Variants in CHST13 observed in about 807,000 individuals in gnomAD.
CHST13 encodes the protein C4ST-3.
A neutral mutation model predicts 7.0 loss-of-function variants in CHST13; 1 was observed. The ratio of observed to expected loss-of-function variants is 0.14; its 90% CI spans 0.05 to 0.68. The LOEUF is 0.68. CHST13 is among the 30% of genes least tolerant of loss of function. The pLI is 0.82. For missense variants in CHST13, 572 were observed against 507.9 expected (o/e 1.13, Z -1.21); for synonymous variants, 257 against 240.9 (o/e 1.07, Z -0.62).
At chr3:126,536,154 G>A (rs778721103) in intron 1 of CHST13, 117 bp from the exon 2 acceptor site, 48 of 779,384 alleles carry the variant, frequency 6.2e-5, no homozygotes, top group Middle Eastern at 2.3e-4. Flanking sequence ...GGCAAGATCC[G>A]GGAAGGAAAT....
At position 126,536,447 on chromosome 3, in the gene CHST13, C is replaced by A. The variant is rs1936793126; in HGVS notation, c.180+94C>A. ...GCAGACCTGCTGGCATGAGACTGGACCCCACACTGGGGCACAGAAGGGCAT... is the reference window on the plus strand; with the variant it reads ...GCAGACCTGCTGGCATGAGACTGGAACCCACACTGGGGCACAGAAGGGCAT... On this transcript the variant is annotated intron_variant, in intron 2 of 2. Coordinates refer to ENST00000319340, the MANE Select transcript of CHST13 (RefSeq NM_152889.3). The A allele has an allele frequency of 1.9e-5, 18 of 944,490 alleles. No homozygotes were observed. In the South Asian group the frequency reaches 2.7e-4, roughly 14 times the overall value. 58.5% of individuals were successfully genotyped at this position (944,490 alleles called of 1,614,324 possible).
chr3:126,535,063 G>C (rs79582082), intron 1 of CHST13, among the ~76,000 whole-genome samples: 2,148 of 83,952 alleles, frequency 0.026, 78 homozygotes, highest in Middle Eastern at 0.047. Flanking sequence ...CCGGGAGACA[G>C]ACAGACAGCA....
chr3:126,529,171 G>T, intron 1 of CHST13: 1 of 574,926 alleles, frequency 1.7e-6, no homozygotes, highest in Non-Finnish European at 2.9e-6. Flanking sequence ...TGAGGTGGGT[G>T]TGCAGAGGAG....
intron 1 of CHST13, among the ~76,000 whole-genome samples, chr3:126,528,397 T>C (rs780258189): frequency 1.3e-5 from 2 of 152,086 alleles, no homozygotes; most frequent in African/African-American, 2.4e-5. Flanking sequence ...ACTCAAAAGA[T>C]TTCAGCAATA....
chr3:126,541,771 G>C lies in CHST13; in HGVS notation c.219G>C (p.Arg73=). The C allele has an allele frequency of 6.6e-7, 1 of 1,521,356 alleles. No individual in the cohort carries two copies. Among genetic ancestry groups the C allele is most frequent in the South Asian group, 1.2e-5 (1 of 81,024 alleles). The allele number at this position is 1,521,356 out of a possible 1,614,324, so 94.2% of individuals were successfully genotyped here. ...RSTLAKVHRQ[R]RDLLNSACSR... is the part of the protein sequence containing the mutation. ...CCCTGGCGAAGGTGCACCGGCAGCG[G>C]CGCGACCTGCTGAACAGCGCCTGTA... Residue 73 remains arginine (R), a synonymous_variant, in exon 3 of 3, where the codon CGG becomes CGC. Transcript: ENST00000319340.
intron 2 of CHST13, among the ~76,000 whole-genome samples, chr3:126,539,197 G>C (rs1436967006): frequency 6.6e-5 from 10 of 152,172 alleles, no homozygotes; most frequent in Non-Finnish European, 1.5e-5. Context: ...CACCTGGGAT[G>C]ACTGCGAAGC....
rs774980258 is a variant in CHST13, at chr3:126,542,584, C to T, written c.*6C>T. The T allele has an allele frequency of 6.8e-7, 1 of 1,468,020 alleles. No homozygotes were observed. Among genetic ancestry groups the T allele is most frequent in the East Asian group, 2.7e-5 (1 of 37,344 alleles). The allele number at this position is 1,468,020 out of a possible 1,614,324, so 90.9% of individuals were successfully genotyped here. On this transcript the variant is annotated 3_prime_UTR_variant, in exon 3 of 3. Coordinates refer to ENST00000319340, the MANE Select transcript of CHST13 (RefSeq NM_152889.3). ...CCTACCTGCGGCTGCTCTAGCGGTC[C>T]TGGAGGTCCTGTGGCCACGCGGGGC...
chr3:126,534,718 C>T (rs1936728898), intron 1 of CHST13, among the ~76,000 whole-genome samples: 1 of 139,468 alleles, frequency 7.2e-6, no homozygotes, highest in African/African-American at 2.7e-5. Flanking sequence ...AGCCGGGAGA[C>T]AGACAGACAG....
Position 126,542,694 on chromosome 3 carries a change from C to T in CHST13, c.*116C>T. On this transcript the variant is annotated 3_prime_UTR_variant, in exon 3 of 3. Coordinates refer to ENST00000319340, the MANE Select transcript of CHST13 (RefSeq NM_152889.3). ...TTCAAGAGCCACTGCGTGCACTCAC[C>T]TGGCCGCCGGGCCAGCGGGCGCAGG... The T allele has an allele frequency of 7.5e-7, 1 of 1,340,428 alleles. No homozygotes were observed. Among genetic ancestry groups the T allele is most frequent in the South Asian group, 1.9e-5 (1 of 52,728 alleles). The allele number at this position is 1,340,428 out of a possible 1,614,324, so 83.0% of individuals were successfully genotyped here.
chr3:126,540,652 G>C (rs1353475170), intron 2 of CHST13, among the ~76,000 whole-genome samples: 1 of 152,188 alleles, frequency 6.6e-6, no homozygotes, highest in East Asian at 1.9e-4. Flanking sequence ...GGATTTTCTG[G>C]CTAATGTGAA....
At chr3:126,531,211 A>G (rs142015919) in intron 1 of CHST13, among the ~76,000 whole-genome samples, 13 of 152,302 alleles carry the variant, frequency 8.5e-5, no homozygotes, top group African/African-American at 1.9e-4. Context: ...CCACCCCCCA[A>G]CCTACTGGAC....
chr3:126,542,027 G>A lies in CHST13; in HGVS notation c.475G>A (p.Glu159Lys), dbSNP rs760487755. 10 of 1,569,852 alleles carry A rather than the reference G, an allele frequency of 6.4e-6. No individual in the cohort carries two copies. The East Asian group carries it at 7.0e-5, about 11-fold the overall frequency. ...LPSLADFSPA[E>K]INRRLRAYLA... The stretch of plus-strand genomic sequence containing the variant: ...CTCACTGGCCGACTTCAGCCCCGCC[G>A]AGATCAACCGGCGCCTGCGCGCCTA... The change falls in exon 3 of 3, where the codon GAG becomes AAG. Residue 159 changes from glutamate to lysine, a missense_variant. Physicochemically the swap from Glu to Lys is moderately conservative, Grantham distance 56. Coordinates refer to ENST00000319340, the MANE Select transcript of CHST13 (RefSeq NM_152889.3).
chr3:126,533,037 C>A (rs1219016856), intron 1 of CHST13, among the ~76,000 whole-genome samples: 1 of 152,118 alleles, frequency 6.6e-6, no homozygotes, highest in Admixed American at 6.5e-5. Context: ...TTTGATTATT[C>A]ATTGCTAGTA....
chr3:126,542,367 A>T lies in CHST13; in HGVS notation c.815A>T (p.Glu272Val). The change falls in exon 3 of 3, where the codon GAG becomes GTG. Residue 272 changes from glutamate to valine, a missense_variant. Coordinates refer to ENST00000319340, the MANE Select transcript of CHST13 (RefSeq NM_152889.3). ...GTGGGCAAGTTCGAGACGCTGGCGGAGGACGCGGCCTTCGTGCTGGGCCTG... is the reference window on the plus strand; with the variant it reads ...GTGGGCAAGTTCGAGACGCTGGCGGTGGACGCGGCCTTCGTGCTGGGCCTG... ...DVVGKFETLA[E>V]DAAFVLGLAG... 1 of 1,561,432 alleles carries T rather than the reference A, an allele frequency of 6.4e-7. No homozygotes were observed.
At chr3:126,525,946 C>G (rs1252980696) in intron 1 of CHST13, among the ~76,000 whole-genome samples, 7 of 152,166 alleles carry the variant, frequency 4.6e-5, no homozygotes. Context: ...TGGGAAGAGA[C>G]AGCAGGTGTT....
At chr3:126,534,462 C>A (rs1936721493) in intron 1 of CHST13, among the ~76,000 whole-genome samples, 1 of 152,180 alleles carries the variant, frequency 6.6e-6, no homozygotes, top group African/African-American at 2.4e-5. Flanking sequence ...CTGTCCCCAC[C>A]CAGGAGACAG....
intron 1 of CHST13, chr3:126,529,388 G>T: frequency 7.8e-7 from 1 of 1,289,230 alleles, no homozygotes; most frequent in Non-Finnish European, 1.0e-6. Context: ...GATGCCGCAA[G>T]GGGGGACAGG....
chr3:126,529,158 G>A, intron 1 of CHST13: 1 of 506,822 alleles, frequency 2.0e-6, no homozygotes, highest in South Asian at 1.6e-5. Context: ...GCCCTGCTTT[G>A]GCTGAGGTGG....
In CHST13 at chr3:126,536,267, A is replaced by G; in HGVS notation, c.98-4A>G. 1.2e-6 allele frequency: 2 copies of G among 1,613,282 alleles called. No individual in the cohort carries two copies. The highest frequency in any genetic ancestry group is 1.7e-6 in the Non-Finnish European group (2 of 1,179,416). On this transcript the variant is annotated splice_region_variant and splice_polypyrimidine_tract_variant and intron_variant, in intron 1 of 2. Transcript: ENST00000319340. ...TGGCGACATCTCTCTCCTTATGCCCACAGCATTTGGAAACAGAGCCCTGGG... is the reference window on the plus strand; with the variant it reads ...TGGCGACATCTCTCTCCTTATGCCCGCAGCATTTGGAAACAGAGCCCTGGG...
Sources: allele counts gnomAD v4.1 joint callset (sites outside exome capture counted in the v4.1 genomes callset), GRCh38; gene constraint gnomAD v4.1.1; transcripts MANE v1.5; gene names NCBI Gene and HGNC (gene_info 2026-07-23, HGNC 2026-07-21).